The following OLA1 variants were observed in gnomAD, a reference collection of about 807,000 sequenced individuals.
OLA1 encodes obg-like ATPase 1.
In OLA1, 14 loss-of-function variants were observed where a neutral mutation model predicts 48.4. The ratio of observed to expected loss-of-function variants is 0.29; its 90% CI spans 0.19 to 0.45. The LOEUF (loss-of-function observed/expected upper bound fraction) is 0.45. Ranked by LOEUF, OLA1 falls within the 20% of genes least tolerant of loss-of-function variation. The pLI, the probability that OLA1 is intolerant of heterozygous loss-of-function variation, is 1.00. For missense variants in OLA1, 325 were observed against 467.1 expected (o/e 0.70, Z 2.80); for synonymous variants, 127 against 150.4 (o/e 0.84, Z 1.14).
intron 4 of OLA1, among the ~76,000 whole-genome samples, chr2:174,202,988 T>C (rs1265733346): frequency 6.6e-6 from 1 of 152,164 alleles, no homozygotes; most frequent in East Asian, 1.9e-4. Context: ...GGGTCAACTG[T>C]ACATAAATGT....
At chr2:174,164,067 T>G (rs1266997022) in intron 4 of OLA1, among the ~76,000 whole-genome samples, 1 of 151,488 alleles carries the variant, frequency 6.6e-6, no homozygotes, top group African/African-American at 2.4e-5. Flanking sequence ...GATGTGATGG[T>G]TTTATAAGGG....
intron 4 of OLA1, among the ~76,000 whole-genome samples, chr2:174,193,345 C>T (rs1228612976): frequency 6.6e-6 from 1 of 152,168 alleles, no homozygotes; most frequent in African/African-American, 2.4e-5. Flanking sequence ...CCACCTCGGC[C>T]TCCCAAAGGG....
In OLA1 at chr2:174,155,936, T is replaced by C. The variant is rs1033724489; in HGVS notation, c.374-13936A>G. ...GCACATACTCTGGAATCAGAACATCTGGATTCAAATCTGGATTTCAGACTG... is the reference window on the plus strand; with the variant it reads ...GCACATACTCTGGAATCAGAACATCCGGATTCAAATCTGGATTTCAGACTG... On this transcript the variant is annotated intron_variant, in intron 4 of 10. Transcript: ENST00000284719. Among the ~76,000 whole-genome samples the C allele has an allele frequency of 2.6e-5, 4 of 152,288 alleles. No individual in the cohort carries two copies. In the South Asian group the frequency reaches 8.3e-4, roughly 32 times the overall value.
At position 174,075,235 on chromosome 2, in the gene OLA1, T is replaced by C; in HGVS notation, c.*191A>G. 2.0e-6 allele frequency: 1 copy of C among 496,526 alleles called. No individual in the cohort carries two copies. Among genetic ancestry groups the C allele is most frequent in the Non-Finnish European group, 3.5e-6 (1 of 282,882 alleles). 30.8% of individuals were successfully genotyped at this position (496,526 alleles called of 1,614,324 possible). On this transcript the variant is annotated 3_prime_UTR_variant, in exon 11 of 11. Coordinates refer to ENST00000284719, the MANE Select transcript of OLA1 (RefSeq NM_013341.5). ...CGTGAAAAGCAAAGCTGTTCACATT[T>C]AGTGAACCTGCATTTCATGGGGGGG...
intron 3 of OLA1, among the ~76,000 whole-genome samples, chr2:174,227,701 A>G (rs1460510970): frequency 6.6e-6 from 1 of 152,244 alleles, no homozygotes; most frequent in Non-Finnish European, 1.5e-5. Flanking sequence ...ATTAAAACCA[A>G]TAAAATAACA....
intron 4 of OLA1, among the ~76,000 whole-genome samples, chr2:174,149,310 T>C (rs1204864241): frequency 6.6e-6 from 1 of 152,218 alleles, no homozygotes; most frequent in East Asian, 1.9e-4. Flanking sequence ...TGCATTCTCC[T>C]GATTTTCTTT....
intron 5 of OLA1, among the ~76,000 whole-genome samples, chr2:174,126,065 C>T (rs1364649028): frequency 6.6e-6 from 1 of 151,986 alleles, no homozygotes; most frequent in East Asian, 1.9e-4. Flanking sequence ...ATAAGACTAT[C>T]TTATATAAAT....
At chr2:174,204,116 T>C (rs1574549083) in intron 4 of OLA1, among the ~76,000 whole-genome samples, 1 of 149,546 alleles carries the variant, frequency 6.7e-6, no homozygotes, top group Non-Finnish European at 1.5e-5. Context: ...AAAAAGCAAA[T>C]TTAGTCCAGG....
chr2:174,232,706 A>G (rs1240411464), intron 2 of OLA1, among the ~76,000 whole-genome samples: 1 of 152,238 alleles, frequency 6.6e-6, no homozygotes, highest in East Asian at 1.9e-4. Context: ...AAAAAACAAG[A>G]TGATAAGTGT....
intron 4 of OLA1, among the ~76,000 whole-genome samples, chr2:174,194,762 T>C (rs1687847529): frequency 6.6e-6 from 1 of 152,172 alleles, no homozygotes; most frequent in Non-Finnish European, 1.5e-5. Context: ...AATTTCTTCT[T>C]TCGATTGCAC....
intron 4 of OLA1, among the ~76,000 whole-genome samples, chr2:174,194,516 T>C (rs535241970): frequency 1.3e-5 from 2 of 152,270 alleles, no homozygotes; most frequent in East Asian, 1.9e-4. Flanking sequence ...TCCGGCTCTC[T>C]ACACCCCAGG....
intron 10 of OLA1, among the ~76,000 whole-genome samples, 163 bp downstream of exon 10, chr2:174,078,805 T>A (rs1684801989): frequency 6.6e-6 from 1 of 151,996 alleles, no homozygotes; most frequent in Non-Finnish European, 1.5e-5. Context: ...TGTAAACATC[T>A]ATAGCTCTTA....
intron 4 of OLA1, among the ~76,000 whole-genome samples, chr2:174,185,328 TA>T (rs1391225609): frequency 6.6e-6 from 1 of 151,734 alleles, no homozygotes; most frequent in East Asian, 1.9e-4. Context: ...TAGTAAAAAA[TA>T]AAATAAAATA....
intron 7 of OLA1, among the ~76,000 whole-genome samples, chr2:174,105,917 G>C (rs961037802): frequency 2.0e-5 from 3 of 151,894 alleles, no homozygotes; most frequent in Non-Finnish European, 4.4e-5. Context: ...TTCCGTAAAC[G>C]GCAACAATTA....
chr2:174,190,373 C>G (rs1687747208), intron 4 of OLA1, among the ~76,000 whole-genome samples: 1 of 151,926 alleles, frequency 6.6e-6, no homozygotes, highest in Non-Finnish European at 1.5e-5. Flanking sequence ...TGACTATAAA[C>G]CGAATATGAA....
chr2:174,247,667 C>T, intron 1 of OLA1: 1 of 1,551,038 alleles, frequency 6.4e-7, no homozygotes, highest in Non-Finnish European at 8.7e-7. Flanking sequence ...GATGAACACC[C>T]ACCAGGTACT....
intron 7 of OLA1, among the ~76,000 whole-genome samples, chr2:174,109,420 C>T (rs570663849): frequency 3.9e-5 from 6 of 152,114 alleles, no homozygotes; most frequent in Admixed American, 2.6e-4. Flanking sequence ...CCATCACATA[C>T]CATAATCATG....
intron 1 of OLA1, chr2:174,248,247 G>T (rs10209834): frequency 0.039 from 6,138 of 156,432 alleles, 449 homozygotes; most frequent in African/African-American, 0.14. Flanking sequence ...CTTTCCCCAG[G>T]GCTTTCCCGC....
intron 4 of OLA1, among the ~76,000 whole-genome samples, chr2:174,204,962 A>G (rs1688075457): frequency 6.6e-6 from 1 of 152,172 alleles, no homozygotes. Context: ...CCTAACATCA[A>G]TAAATTCCCT....
Sources: allele counts gnomAD v4.1 joint callset (sites outside exome capture counted in the v4.1 genomes callset), GRCh38; gene constraint gnomAD v4.1.1; transcripts MANE v1.5; gene names NCBI Gene and HGNC (gene_info 2026-07-23, HGNC 2026-07-21).